Variants in DLG2 observed in about 807,000 individuals in gnomAD.
The protein encoded by DLG2 is disks large homolog 2.
Under a neutral mutation model 132.5 loss-of-function variants are expected in DLG2, and 45 were observed. That is an observed-to-expected ratio of 0.34 (90% CI 0.27 to 0.44). DLG2 has a LOEUF of 0.44. Among genes scored for constraint, DLG2 ranks in the 20% least tolerant of loss-of-function variants. The pLI is 1.00. For synonymous variants in DLG2, 424 were observed against 419.6 expected (o/e 1.01, Z -0.13); for missense variants, 1,045 against 1,196.9 (o/e 0.87, Z 1.87).
At chr11:84,877,511 G>GTTT (rs1318042792) in intron 6 of DLG2, among the ~76,000 whole-genome samples, 1 of 49,432 alleles carries the variant, frequency 2.0e-5, no homozygotes, top group Admixed American at 2.7e-4. Context: ...TGCAACCCCT[G>GTTT]CTTTTTTTTT....
At chr11:83,667,294 ACT>A (rs951878619) in intron 18 of DLG2, among the ~76,000 whole-genome samples, 1 of 152,138 alleles carries the variant, frequency 6.6e-6, no homozygotes, top group Non-Finnish European at 1.5e-5. Context: ...TGATAAGCAA[ACT>A]CTGTCCTACC....
At chr11:85,442,751 A>C (rs916705336) in intron 3 of DLG2, among the ~76,000 whole-genome samples, 5 of 152,074 alleles carry the variant, frequency 3.3e-5, no homozygotes, top group Admixed American at 6.6e-5. Flanking sequence ...ACATGGTGGC[A>C]TGTACCTGTA....
intron 7 of DLG2, among the ~76,000 whole-genome samples, chr11:84,465,595 T>TA (rs1392096940): frequency 2.0e-5 from 3 of 151,386 alleles, no homozygotes; most frequent in African/African-American, 7.2e-5. Flanking sequence ...CTCGCTTCTA[T>TA]AAAGGGTTAT....
At chr11:85,378,659 T>G (rs1290615602) in intron 3 of DLG2, among the ~76,000 whole-genome samples, 1 of 152,144 alleles carries the variant, frequency 6.6e-6, no homozygotes, top group Non-Finnish European at 1.5e-5. Context: ...TCAGCTATTT[T>G]ACATTAAATC....
intron 18 of DLG2, among the ~76,000 whole-genome samples, chr11:83,709,059 C>A (rs993017740): frequency 1.1e-4 from 17 of 152,180 alleles, no homozygotes; most frequent in African/African-American, 3.9e-4. Context: ...TACTCAACCG[C>A]TGCTTGTTCT....
At chr11:83,879,335 T>C (rs771058369) in intron 15 of DLG2, among the ~76,000 whole-genome samples, 1 of 152,206 alleles carries the variant, frequency 6.6e-6, no homozygotes, top group Non-Finnish European at 1.5e-5. Context: ...ATGTGACTTG[T>C]AAAGTCACAT....
intron 3 of DLG2, among the ~76,000 whole-genome samples, chr11:85,286,483 G>A (rs552362377): frequency 6.6e-6 from 1 of 152,176 alleles, no homozygotes; most frequent in African/African-American, 2.4e-5. Flanking sequence ...AAGCAATGAT[G>A]CCATAGTAAT....
chr11:83,754,824 A>G (rs1268625360), intron 18 of DLG2, among the ~76,000 whole-genome samples: 1 of 151,522 alleles, frequency 6.6e-6, no homozygotes, highest in Non-Finnish European at 1.5e-5. Context: ...CAATATTGGC[A>G]AAGATATGGC....
intron 2 of DLG2, among the ~76,000 whole-genome samples, chr11:85,623,060 A>G (rs932711806): frequency 5.8e-5 from 8 of 138,822 alleles, no homozygotes; most frequent in African/African-American, 2.2e-4. Flanking sequence ...TCTGTCTCCC[A>G]AAAAAAAAAA....
rs2095282909 is a variant in DLG2 at position 84,018,387 on chromosome 11, A to G, written c.920-37745T>C. ...CTTGAGAACTGGGTAAGTAGTAAAA[A>G]AGAATCAATCACTTACAATGCCTTT... On this transcript the variant is annotated intron_variant, in intron 11 of 27. Coordinates refer to ENST00000376104, the MANE Select transcript of DLG2 (RefSeq NM_001142699.3). 2.0e-5 allele frequency among the ~76,000 whole-genome samples: 3 copies of G among 152,046 alleles called. No individual in the cohort carries two copies. In the South Asian group the frequency reaches 6.2e-4, roughly 31 times the overall value.
At chr11:84,188,706 C>T (rs2096336590) in intron 8 of DLG2, among the ~76,000 whole-genome samples, 2 of 152,110 alleles carry the variant, frequency 1.3e-5, no homozygotes, top group African/African-American at 4.8e-5. Flanking sequence ...CTCTTTTGCT[C>T]CTCCCACTTC....
At chr11:84,768,321 C>T (rs761001717) in intron 6 of DLG2, among the ~76,000 whole-genome samples, 7 of 152,112 alleles carry the variant, frequency 4.6e-5, no homozygotes, top group Non-Finnish European at 1.0e-4. Context: ...ATTTTTAAAA[C>T]AGCCAACCCT....
intron 6 of DLG2, among the ~76,000 whole-genome samples, chr11:84,620,071 G>A (rs1161522470): frequency 4.6e-5 from 7 of 151,368 alleles, no homozygotes; most frequent in Non-Finnish European, 7.4e-5. Flanking sequence ...AGTTAATGTA[G>A]TAATTTATTA....
intron 19 of DLG2, among the ~76,000 whole-genome samples, 163 bp from the exon 20 acceptor site, chr11:83,542,021 CA>C (rs1316956818): frequency 6.6e-6 from 1 of 152,120 alleles, no homozygotes; most frequent in African/African-American, 2.4e-5. Flanking sequence ...ACTGCTTTGG[CA>C]ACACACTAAA....
intron 15 of DLG2, among the ~76,000 whole-genome samples, chr11:83,876,805 T>C (rs2064894604): frequency 6.6e-6 from 1 of 152,140 alleles, no homozygotes; most frequent in Admixed American, 6.6e-5. Flanking sequence ...TGTATATATA[T>C]ACAGAAACAT....
intron 18 of DLG2, among the ~76,000 whole-genome samples, chr11:83,650,769 A>G (rs2070007314): frequency 1.3e-5 from 2 of 152,220 alleles, no homozygotes; most frequent in African/African-American, 4.8e-5. Flanking sequence ...GGAAGTGTAT[A>G]AAATTTCTTT....
intron 3 of DLG2, among the ~76,000 whole-genome samples, chr11:85,353,531 G>A (rs189393912): frequency 1.2e-4 from 18 of 152,208 alleles, no homozygotes; most frequent in African/African-American, 3.9e-4. Flanking sequence ...ATAAAGACAC[G>A]TGCACACATA....
At chr11:84,366,017 T>A (rs1488642107) in intron 7 of DLG2, among the ~76,000 whole-genome samples, 2 of 151,896 alleles carry the variant, frequency 1.3e-5, no homozygotes, top group Non-Finnish European at 2.9e-5. Flanking sequence ...ACTGTCAGAT[T>A]CACCAAAGTT....
intron 3 of DLG2, among the ~76,000 whole-genome samples, chr11:85,437,673 A>T (rs2091563120): frequency 6.6e-6 from 1 of 152,208 alleles, no homozygotes; most frequent in African/African-American, 2.4e-5. Context: ...ATTTTAGAGT[A>T]AGTGAAATAA....
Sources: gnomAD v4.1 joint callset for allele counts (sites outside exome capture counted in the v4.1 genomes callset) on GRCh38, gnomAD v4.1.1 for gene constraint, MANE v1.5 for transcripts, NCBI Gene and HGNC (gene_info 2026-07-23, HGNC 2026-07-21) for gene names.